The following LSAMP variants were observed in gnomAD, a reference collection of about 807,000 sequenced individuals.
The protein encoded by LSAMP is limbic system associated membrane protein.
LSAMP carries 7 observed loss-of-function variants against 38.6 expected under a neutral mutation model. That is an observed-to-expected ratio of 0.18 (90% CI 0.10 to 0.34). LSAMP has a LOEUF of 0.34. Among genes scored for constraint, LSAMP ranks in the 10% least tolerant of loss-of-function variants. LSAMP has a pLI of 1.00. For missense variants in LSAMP, 313 were observed against 420.0 expected, an observed-to-expected ratio of 0.75 and a Z score of 2.23; for synonymous variants, 154 against 166.8, an observed-to-expected ratio of 0.92 and a Z score of 0.59.
chr3:115,818,989 A>G (rs1218686426), intron 6 of LSAMP, among the ~76,000 whole-genome samples: 1 of 149,990 alleles, frequency 6.7e-6, no homozygotes, highest in Admixed American at 6.7e-5. Flanking sequence ...GTGAAACCCC[A>G]TCTCTACTAA....
chr3:116,014,506 C>A (rs1940421752), intron 3 of LSAMP, among the ~76,000 whole-genome samples: 1 of 152,078 alleles, frequency 6.6e-6, no homozygotes, highest in Non-Finnish European at 1.5e-5. Flanking sequence ...ATAAAAAATG[C>A]AAGAGATAAA....
At chr3:116,201,760 A>C (rs1350737564) in intron 1 of LSAMP, among the ~76,000 whole-genome samples, 9 of 152,160 alleles carry the variant, frequency 5.9e-5, no homozygotes, top group Admixed American at 5.2e-4. Flanking sequence ...TCCCCTCAGT[A>C]TTAACACCTT....
chr3:115,920,550 C>A (rs991386849), intron 3 of LSAMP, among the ~76,000 whole-genome samples: 2 of 152,056 alleles, frequency 1.3e-5, no homozygotes, highest in East Asian at 3.9e-4. Context: ...TTTCTTAGAT[C>A]AGGTTTTTTG....
chr3:116,294,515 T>C (rs765046373), intron 1 of LSAMP, among the ~76,000 whole-genome samples: 3 of 152,148 alleles, frequency 2.0e-5, no homozygotes, highest in Admixed American at 2.0e-4. Context: ...CAGACTCTTA[T>C]AATAAAGAAC....
At chr3:116,240,246 A>T (rs1479675287) in intron 1 of LSAMP, among the ~76,000 whole-genome samples, 2 of 152,202 alleles carry the variant, frequency 1.3e-5, no homozygotes, top group African/African-American at 4.8e-5. Flanking sequence ...CATGCTATTT[A>T]TGAGATCTAT....
chr3:116,141,588 C>T (rs963516703), intron 1 of LSAMP, among the ~76,000 whole-genome samples: 8 of 151,964 alleles, frequency 5.3e-5, no homozygotes, highest in African/African-American at 1.9e-4. Flanking sequence ...CTCTTTAACA[C>T]TTTTGAATGA....
At chr3:115,830,861 C>T (rs911795090) in intron 6 of LSAMP, among the ~76,000 whole-genome samples, 6 of 152,140 alleles carry the variant, frequency 3.9e-5, no homozygotes, top group East Asian at 3.9e-4. Flanking sequence ...AGGGCAGGTA[C>T]GCCCTCTCCT....
At chr3:115,953,939 G>A (rs925492429) in intron 3 of LSAMP, among the ~76,000 whole-genome samples, 7 of 152,104 alleles carry the variant, frequency 4.6e-5, no homozygotes, top group Admixed American at 6.5e-5. Flanking sequence ...CAAATGTCTC[G>A]TTCTGTAAGA....
chr3:115,854,067 C>T (rs923636581), intron 3 of LSAMP, among the ~76,000 whole-genome samples: 22 of 151,794 alleles, frequency 1.4e-4, no homozygotes, highest in African/African-American at 5.1e-4. Context: ...TCTGGATATT[C>T]CAAGCTTCAA....
rs9289041 is a variant in LSAMP at position 116,062,230 on chromosome 3, C to T, written c.388+24094G>A. The stretch of plus-strand genomic sequence containing the variant: ...TTTATACTCAGTGTGAAATCCAGGC[C>T]GGGCATGGTGGCCTATGCCTGTAAT... On this transcript the variant is annotated intron_variant, in intron 2 of 6. Transcript: ENST00000490035. Among the ~76,000 whole-genome samples, 1,376 of 152,262 alleles carry T rather than the reference C, an allele frequency of 9.0e-3. 26 individuals carry two copies. Among genetic ancestry groups the T allele is most frequent in the African/African-American group, 0.03 (1,240 of 41,548 alleles).
chr3:116,077,392 T>C (rs1397685436), intron 2 of LSAMP, among the ~76,000 whole-genome samples: 1 of 152,128 alleles, frequency 6.6e-6, no homozygotes, highest in Non-Finnish European at 1.5e-5. Context: ...AGTTAAACTA[T>C]ATCCTATGTA....
At chr3:115,854,282 A>ATTAT (rs1366839788) in intron 3 of LSAMP, among the ~76,000 whole-genome samples, 30 of 107,026 alleles carry the variant, frequency 2.8e-4, no homozygotes, top group East Asian at 1.9e-3. Context: ...TATTATTATT[A>ATTAT]TTTTTTTTTT....
intron 1 of LSAMP, among the ~76,000 whole-genome samples, chr3:116,290,559 A>T: frequency 6.6e-6 from 1 of 151,634 alleles, no homozygotes; most frequent in East Asian, 1.9e-4. Context: ...GTAAAACCCT[A>T]TCTCTACTAA....
At chr3:116,067,246 T>C (rs1008053937) in intron 2 of LSAMP, among the ~76,000 whole-genome samples, 6 of 152,224 alleles carry the variant, frequency 3.9e-5, no homozygotes, top group African/African-American at 1.4e-4. Flanking sequence ...CTGCTTCAAA[T>C]GGTAGCCCAT....
At chr3:116,336,445 AACGAACCTG>A (rs1478396745) in intron 1 of LSAMP, among the ~76,000 whole-genome samples, 1 of 152,044 alleles carries the variant, frequency 6.6e-6, no homozygotes, top group Admixed American at 6.6e-5. Flanking sequence ...AAAAATGGGC[AACGAACCTG>A]AATAGACACT....
intron 1 of LSAMP, among the ~76,000 whole-genome samples, chr3:116,133,802 A>G (rs1013802205): frequency 6.6e-6 from 1 of 152,218 alleles, no homozygotes; most frequent in African/African-American, 2.4e-5. Flanking sequence ...ATTTAAATAA[A>G]TCCAGAGTAT....
intron 3 of LSAMP, among the ~76,000 whole-genome samples, chr3:115,915,499 A>T (rs72955565): frequency 0.031 from 4,747 of 152,282 alleles, 247 homozygotes; most frequent in African/African-American, 0.11. Flanking sequence ...CAGCAGTTAA[A>T]GGCTGGAATG....
intron 6 of LSAMP, among the ~76,000 whole-genome samples, chr3:115,811,225 A>G (rs1933819573): frequency 6.6e-6 from 1 of 152,114 alleles, no homozygotes; most frequent in Admixed American, 6.6e-5. Context: ...CAATGTGGAC[A>G]CAATTTGGGG....
rs143247824 is a variant in LSAMP, at chr3:116,242,765, G to GAA, written c.156-156211_156-156210dup. Among the ~76,000 whole-genome samples, 1,045 of 144,666 alleles carry GAA rather than the reference G, an allele frequency of 7.2e-3. 11 individuals carry two copies. Among genetic ancestry groups the GAA allele is most frequent in the African/African-American group, 0.025 (1,011 of 39,742 alleles). 94.9% of individuals were successfully genotyped at this position (144,666 alleles called of 152,430 possible). The stretch of plus-strand genomic sequence containing the variant: ...CCTATCTAACTTGAGTTTTAACATT[G>GAA]AAAAAAAAAACACTAAAGATTGTCT... On this transcript the variant is annotated intron_variant, in intron 1 of 6. Transcript: ENST00000490035.
Sources: allele counts gnomAD v4.1 joint callset (sites outside exome capture counted in the v4.1 genomes callset), GRCh38; gene constraint gnomAD v4.1.1; transcripts MANE v1.5; gene names NCBI Gene and HGNC (gene_info 2026-07-23, HGNC 2026-07-21).